The following TENM2 variants were observed in gnomAD, a reference collection of about 807,000 sequenced individuals.
TENM2 encodes the protein teneurin transmembrane protein 2.
Under a neutral mutation model 245.2 loss-of-function variants are expected in TENM2, and 52 were observed. The observed-to-expected ratio is 0.21, with a 90% confidence interval of 0.17 to 0.27. TENM2 has a LOEUF of 0.27. TENM2 is among the 10% of genes least tolerant of loss of function. TENM2 has a pLI of 1.00. For synonymous variants in TENM2, 1,363 were observed against 1,438.9 expected (o/e 0.95, Z 1.19); for missense variants, 3,046 against 3,666.8 (o/e 0.83, Z 4.37).
At chr5:168,006,561 T>A (rs1784835990) in intron 5 of TENM2, among the ~76,000 whole-genome samples, 1 of 152,162 alleles carries the variant, frequency 6.6e-6, no homozygotes, top group Admixed American at 6.5e-5. Context: ...TGGGGCCCGC[T>A]GCCTAGATGA....
At chr5:167,703,547 AG>A (rs1758310963) in intron 2 of TENM2, among the ~76,000 whole-genome samples, 1 of 151,356 alleles carries the variant, frequency 6.6e-6, no homozygotes, top group South Asian at 2.1e-4. Flanking sequence ...AAAAAAAAAA[AG>A]GCTACATTAA....
At chr5:167,424,236 A>C (rs6555744) in intron 2 of TENM2, among the ~76,000 whole-genome samples, 143,126 of 152,070 alleles carry the variant, frequency 0.94, 67,609 homozygotes, top group Middle Eastern at 0.99. Context: ...GGCCCCGTTT[A>C]CCCAGGCAGA....
At chr5:167,295,005 G>A (rs990318625) in intron 1 of TENM2, among the ~76,000 whole-genome samples, 3 of 152,062 alleles carry the variant, frequency 2.0e-5, no homozygotes, top group Non-Finnish European at 2.9e-5. Context: ...TGTTATTGTT[G>A]TTATTATTCT....
intron 2 of TENM2, among the ~76,000 whole-genome samples, chr5:167,793,787 G>A (rs372204632): frequency 1.6e-4 from 24 of 151,724 alleles, no homozygotes; most frequent in African/African-American, 5.8e-4. Context: ...AGTGAGCCAT[G>A]GTTGTGCCAC....
chr5:167,709,409 T>C (rs1758757054), intron 2 of TENM2, among the ~76,000 whole-genome samples: 1 of 152,234 alleles, frequency 6.6e-6, no homozygotes, highest in Admixed American at 6.5e-5. Context: ...CATTTTGGAT[T>C]CTAAACGTGT....
chr5:167,804,879 G>A (rs758513417), intron 2 of TENM2, among the ~76,000 whole-genome samples: 25 of 152,136 alleles, frequency 1.6e-4, no homozygotes, highest in Admixed American at 3.3e-4. Context: ...CCCCAAAATG[G>A]CAGGAATAAA....
At chr5:167,051,929 T>C in the TENM2 span, among the ~76,000 whole-genome samples, 1 of 152,224 alleles carries the variant, frequency 6.6e-6, no homozygotes, top group African/African-American at 2.4e-5. Flanking sequence ...AAAGCTTGAA[T>C]AAATTGTGTT....
the TENM2 span, among the ~76,000 whole-genome samples, chr5:167,160,314 G>A: frequency 1.3e-5 from 2 of 152,196 alleles, no homozygotes; most frequent in African/African-American, 2.4e-5. Flanking sequence ...TCCACAGGAC[G>A]GAGGTCTGGC....
chr5:167,945,281 C>T (rs1468976404), intron 3 of TENM2, among the ~76,000 whole-genome samples: 2 of 151,850 alleles, frequency 1.3e-5, no homozygotes, highest in African/African-American at 2.4e-5. Context: ...ATGTGCTGAG[C>T]GTTACAAAAG....
At chr5:167,812,688 C>T (rs1257621135) in intron 2 of TENM2, among the ~76,000 whole-genome samples, 5 of 152,184 alleles carry the variant, frequency 3.3e-5, no homozygotes, top group Non-Finnish European at 7.4e-5. Flanking sequence ...GACAGTAACT[C>T]CTTCTTCTCC....
the TENM2 span, among the ~76,000 whole-genome samples, chr5:167,110,285 T>C: frequency 1.3e-5 from 2 of 152,178 alleles, no homozygotes; most frequent in Non-Finnish European, 2.9e-5. Context: ...ATCCCTAGTC[T>C]TGTGTACTGG....
chr5:167,644,195 C>T (rs1170724854), intron 2 of TENM2, among the ~76,000 whole-genome samples: 1 of 152,146 alleles, frequency 6.6e-6, no homozygotes, highest in East Asian at 1.9e-4. Flanking sequence ...GCTTCCAGTA[C>T]ACATGTTGAA....
At chr5:167,815,744 G>T (rs1766997394) in intron 2 of TENM2, among the ~76,000 whole-genome samples, 1 of 151,842 alleles carries the variant, frequency 6.6e-6, no homozygotes, top group Non-Finnish European at 1.5e-5. Flanking sequence ...GGAAAAGGGT[G>T]GGAGAGTCAG....
chr5:167,727,005 C>A, intron 2 of TENM2, among the ~76,000 whole-genome samples: 1 of 151,484 alleles, frequency 6.6e-6, no homozygotes, highest in Admixed American at 6.6e-5. Context: ...AGTGCAAATG[C>A]AAAACTTGTG....
At chr5:167,542,377 G>T (rs779972330) in intron 2 of TENM2, among the ~76,000 whole-genome samples, 5 of 152,114 alleles carry the variant, frequency 3.3e-5, no homozygotes, top group Non-Finnish European at 7.4e-5. Flanking sequence ...CTCACCATCA[G>T]GTCTTTCCTT....
At chr5:167,006,704 T>G in the TENM2 span, among the ~76,000 whole-genome samples, 1 of 152,168 alleles carries the variant, frequency 6.6e-6, no homozygotes, top group Non-Finnish European at 1.5e-5. Context: ...TTCACTCTTG[T>G]TGCCCAGGTT....
the TENM2 span, among the ~76,000 whole-genome samples, chr5:167,224,153 C>T: frequency 6.6e-6 from 1 of 152,062 alleles, no homozygotes; most frequent in African/African-American, 2.4e-5. Context: ...CCTCTTCACT[C>T]TGTTGATTGT....
chr5:167,200,657 C>T, the TENM2 span, among the ~76,000 whole-genome samples: 3 of 152,048 alleles, frequency 2.0e-5, no homozygotes, highest in Non-Finnish European at 4.4e-5. Context: ...GTCAGCATCT[C>T]CAGTGATACC....
At chr5:168,254,350 CGG>C (rs1562342467) in intron 27 of TENM2, among the ~76,000 whole-genome samples, 1 of 151,926 alleles carries the variant, frequency 6.6e-6, no homozygotes, top group African/African-American at 2.4e-5. Flanking sequence ...CAGCATGGAG[CGG>C]AGTCACTAGA....
Sources: gnomAD v4.1 joint callset for allele counts (sites outside exome capture counted in the v4.1 genomes callset) on GRCh38, gnomAD v4.1.1 for gene constraint, MANE v1.5 for transcripts, NCBI Gene and HGNC (gene_info 2026-07-23, HGNC 2026-07-21) for gene names.